EFNA5: variants seen among roughly 807,000 people sequenced by gnomAD.
The protein encoded by EFNA5 is ephrin A5.
A neutral mutation model predicts 22.9 loss-of-function variants in EFNA5; 5 were observed. The ratio of observed to expected loss-of-function variants is 0.22; its 90% confidence interval spans 0.11 to 0.46. EFNA5 has a LOEUF of 0.46. Ranked by LOEUF, EFNA5 falls within the 20% of genes least tolerant of loss-of-function variation. EFNA5 has a pLI of 0.99. For missense variants in EFNA5, 237 were observed against 293.3 expected, an observed-to-expected ratio of 0.81 and a Z score of 1.40; for synonymous variants, 113 against 112.2, an observed-to-expected ratio of 1.01 and a Z score of -0.04.
chr5:107,429,514 T>C (rs1382697726), intron 1 of EFNA5, among the ~76,000 whole-genome samples: 1 of 152,228 alleles, frequency 6.6e-6, no homozygotes, highest in Non-Finnish European at 1.5e-5. Context: ...CAAGCCAAGA[T>C]ACTCTTCCGA....
chr5:107,656,554 T>C (rs1750829444), intron 1 of EFNA5, among the ~76,000 whole-genome samples: 1 of 152,120 alleles, frequency 6.6e-6, no homozygotes. Flanking sequence ...TACCAGAATA[T>C]ATATAAAGTG....
At position 107,385,482 on chromosome 5, in the gene EFNA5, G is replaced by A. The variant is rs985991436; in HGVS notation, c.565+1753C>T. On this transcript the variant is annotated intron_variant, in intron 4 of 4. Coordinates refer to ENST00000333274, the MANE Select transcript of EFNA5 (RefSeq NM_001962.3). Reference sequence around the variant, plus strand: ...GGGTAATTTTTGTTTAGAACATGCTGGTCATTCTTCTCGTGGCTTCTTAAC... The same window carrying A: ...GGGTAATTTTTGTTTAGAACATGCTAGTCATTCTTCTCGTGGCTTCTTAAC... Among the ~76,000 whole-genome samples, 43 of 152,104 alleles carry A rather than the reference G, an allele frequency of 2.8e-4. 1 individual carries two copies. Among genetic ancestry groups the A allele is most frequent in the Admixed American group, 4.6e-4 (7 of 15,274 alleles).
chr5:107,556,841 T>C (rs1748432304), intron 1 of EFNA5, among the ~76,000 whole-genome samples: 1 of 151,850 alleles, frequency 6.6e-6, no homozygotes, highest in African/African-American at 2.4e-5. Flanking sequence ...CAAGAGGAAG[T>C]CACCTGAACA....
chr5:107,532,843 A>G (rs1414005919), intron 1 of EFNA5, among the ~76,000 whole-genome samples: 1 of 152,204 alleles, frequency 6.6e-6, no homozygotes, highest in East Asian at 1.9e-4. Context: ...TTTAAGTATG[A>G]ATACTTTACG....
chr5:107,601,065 A>G (rs959811079), intron 1 of EFNA5, among the ~76,000 whole-genome samples: 9 of 152,228 alleles, frequency 5.9e-5, no homozygotes, highest in Non-Finnish European at 1.3e-4. Context: ...AAGTATGTGG[A>G]AAACTTAGAG....
chr5:107,453,417 T>C (rs1030282004), intron 1 of EFNA5, among the ~76,000 whole-genome samples: 1 of 152,228 alleles, frequency 6.6e-6, no homozygotes, highest in African/African-American at 2.4e-5. Context: ...TATGTCATTC[T>C]GATTTAAGTA....
At chr5:107,480,584 T>C (rs1750430806) in intron 1 of EFNA5, among the ~76,000 whole-genome samples, 2 of 152,180 alleles carry the variant, frequency 1.3e-5, no homozygotes, top group Admixed American at 6.5e-5. Flanking sequence ...AGCATTCTAG[T>C]GGAGAGGGGA....
At chr5:107,553,459 G>C (rs352609) in intron 1 of EFNA5, among the ~76,000 whole-genome samples, 90,040 of 152,068 alleles carry the variant, frequency 0.59, 26,804 homozygotes, top group South Asian at 0.67. Context: ...CCACAGTCAC[G>C]CCAGGGAAGG....
intron 1 of EFNA5, among the ~76,000 whole-genome samples, chr5:107,546,655 C>T (rs416038): frequency 0.49 from 64,773 of 131,776 alleles, 14,121 homozygotes; most frequent in East Asian, 0.64. Context: ...GCGTAAAACA[C>T]ACACACACAC....
At chr5:107,620,780 A>C (rs74909085) in intron 1 of EFNA5, among the ~76,000 whole-genome samples, 1 of 152,230 alleles carries the variant, frequency 6.6e-6, no homozygotes, top group South Asian at 2.1e-4. Context: ...AAGGAAAAAA[A>C]TACAGGCAAA....
chr5:107,588,573 G>T (rs1422967541), intron 1 of EFNA5, among the ~76,000 whole-genome samples: 1 of 152,228 alleles, frequency 6.6e-6, no homozygotes, highest in East Asian at 1.9e-4. Context: ...ACTTTAAAAT[G>T]ACTTGGGAAA....
chr5:107,451,690 C>T (rs1421099109), intron 1 of EFNA5, among the ~76,000 whole-genome samples: 1 of 152,070 alleles, frequency 6.6e-6, no homozygotes, highest in African/African-American at 2.4e-5. Context: ...CAAGCCTGGA[C>T]CCACTTAAGA....
At chr5:107,472,669 A>C (rs1212493505) in intron 1 of EFNA5, among the ~76,000 whole-genome samples, 1 of 152,214 alleles carries the variant, frequency 6.6e-6, no homozygotes, top group African/African-American at 2.4e-5. Flanking sequence ...CAGACTGTGC[A>C]ACAGGATCCC....
intron 2 of EFNA5, among the ~76,000 whole-genome samples, chr5:107,423,354 T>C (rs190084819): frequency 4.0e-5 from 6 of 151,814 alleles, no homozygotes; most frequent in East Asian, 1.9e-4. Flanking sequence ...TCTCATTAGG[T>C]TAATATTTAA....
At chr5:107,664,217 C>T (rs1751024325) in intron 1 of EFNA5, among the ~76,000 whole-genome samples, 1 of 151,948 alleles carries the variant, frequency 6.6e-6, no homozygotes, top group Non-Finnish European at 1.5e-5. Flanking sequence ...AAAGTACTAT[C>T]AAGAATATGA....
chr5:107,636,371 T>C (rs1750373945), intron 1 of EFNA5, among the ~76,000 whole-genome samples: 1 of 152,218 alleles, frequency 6.6e-6, no homozygotes, highest in Admixed American at 6.5e-5. Flanking sequence ...ATTTAATATT[T>C]CATGGAGCCC....
intron 1 of EFNA5, among the ~76,000 whole-genome samples, chr5:107,614,958 C>T (rs1749883808): frequency 1.3e-5 from 2 of 152,054 alleles, no homozygotes; most frequent in African/African-American, 2.4e-5. Context: ...TGGGATTTTA[C>T]TTTATCTTGT....
At position 107,662,070 on chromosome 5, in the gene EFNA5, G is replaced by A. The variant is rs182450144; in HGVS notation, c.125+8419C>T. 2.5e-3 allele frequency among the ~76,000 whole-genome samples: 382 copies of A among 152,082 alleles called. 4 individuals are homozygous for A. The highest frequency in any genetic ancestry group is 9.0e-3 in the African/African-American group (374 of 41,474). Reference sequence around the variant, plus strand: ...GGAAACAGCAAGAAAAAAAACAAAAGGTATTTGTTAGTTCATTTAAAAACA... The same window carrying A: ...GGAAACAGCAAGAAAAAAAACAAAAAGTATTTGTTAGTTCATTTAAAAACA... On this transcript the variant is annotated intron_variant, in intron 1 of 4. Coordinates refer to ENST00000333274, the MANE Select transcript of EFNA5 (RefSeq NM_001962.3).
chr5:107,538,505 C>T (rs1218500774), intron 1 of EFNA5, among the ~76,000 whole-genome samples: 1 of 152,124 alleles, frequency 6.6e-6, no homozygotes, highest in Non-Finnish European at 1.5e-5. Flanking sequence ...GCAGTAAGTA[C>T]AATGAATGTA....
Sources: gnomAD v4.1 joint callset for allele counts (sites outside exome capture counted in the v4.1 genomes callset) on GRCh38, gnomAD v4.1.1 for gene constraint, MANE v1.5 for transcripts, NCBI Gene and HGNC (gene_info 2026-07-23, HGNC 2026-07-21) for gene names.